The following EEF2K variants were observed in gnomAD, a reference collection of about 807,000 sequenced individuals.
EEF2K encodes the protein alternative protein EEF2K.
Under a neutral mutation model 93.8 loss-of-function variants are expected in EEF2K, and 70 were observed. That is an observed-to-expected ratio of 0.75 (90% CI 0.62 to 0.91). The LOEUF (loss-of-function observed/expected upper bound fraction) is 0.91. EEF2K is among the 40% of genes least tolerant of loss of function. The pLI is 0.00. For synonymous variants in EEF2K, 376 were observed against 380.8 expected (o/e 0.99, Z 0.15); for missense variants, 935 against 972.9 (o/e 0.96, Z 0.52).
chr16:22,213,491 C>T (rs578230932), intron 1 of EEF2K, among the ~76,000 whole-genome samples: 2 of 152,282 alleles, frequency 1.3e-5, no homozygotes, highest in East Asian at 3.9e-4. Context: ...GCCAAATGTC[C>T]CTTGAGGGAG....
At chr16:22,226,045 C>G in intron 2 of EEF2K, 70 bp downstream of exon 2, 1 of 1,577,484 alleles carries the variant, frequency 6.3e-7, no homozygotes, top group Non-Finnish European at 8.6e-7. Flanking sequence ...GTTGGAGTCG[C>G]TGGTTGGGGA....
At chr16:22,213,603 A>G (rs1049209656) in intron 1 of EEF2K, among the ~76,000 whole-genome samples, 4 of 152,186 alleles carry the variant, frequency 2.6e-5, no homozygotes, top group Non-Finnish European at 5.9e-5. Flanking sequence ...AAAACAACAC[A>G]TTTATTATCT....
chr16:22,244,857 T>A, intron 3 of EEF2K, 127 bp downstream of exon 3: 1 of 946,922 alleles, frequency 1.1e-6, no homozygotes, highest in Non-Finnish European at 1.6e-6. Context: ...CAGCTAATAT[T>A]GGCATGCTAA....
At position 22,284,808 on chromosome 16, in the gene EEF2K, GT is replaced by G. The variant is rs1442342373; in HGVS notation, c.*813del. On this transcript the variant is annotated 3_prime_UTR_variant, in exon 18 of 18. Transcript: ENST00000263026. ...ACGGGGCGTGTATTGCCGTGGCTTA[GT>G]GCAAAGCATTCTTTCTCAGAGCATT... 15 of 152,276 alleles carry G rather than the reference GT, an allele frequency of 9.9e-5. No homozygotes were observed. The highest frequency in any genetic ancestry group is 3.4e-3 in the Middle Eastern group (1 of 294). 9.4% of individuals were successfully genotyped at this position (152,276 alleles called of 1,614,324 possible).
chr16:22,236,684 C>T (rs569285666), intron 2 of EEF2K, among the ~76,000 whole-genome samples: 2 of 151,762 alleles, frequency 1.3e-5, no homozygotes, highest in Non-Finnish European at 2.9e-5. Flanking sequence ...GTGATAACAT[C>T]CCACGTGCCA....
At chr16:22,273,584 C>A in intron 15 of EEF2K, 42 bp from the exon 16 acceptor site, 1 of 1,609,052 alleles carries the variant, frequency 6.2e-7, no homozygotes, top group Non-Finnish European at 8.5e-7. Context: ...GAGTGTAAGC[C>A]TCATTCACTC....
In EEF2K at chr16:22,255,918, A is replaced by AT. The variant is rs1035703876; in HGVS notation, c.619-817dup. On this transcript the variant is annotated intron_variant, in intron 6 of 17. Transcript: ENST00000263026. ...GAGTGAGACCCTGTCTCTAAAATAAATTTTTTTTTTTTTAAGACGGAGTCT... is the reference window on the plus strand; with the variant it reads ...GAGTGAGACCCTGTCTCTAAAATAAATTTTTTTTTTTTTTAAGACGGAGTCT... Among the ~76,000 whole-genome samples the AT allele has an allele frequency of 2.5e-3, 368 of 144,968 alleles. 2 individuals carry two copies. Among genetic ancestry groups the AT allele is most frequent in the South Asian group, 9.3e-3 (42 of 4,518 alleles).
At position 22,261,954 on chromosome 16, in the gene EEF2K, G is replaced by A. The variant is rs2047468207; in HGVS notation, c.1300-1156G>A. Among the ~76,000 whole-genome samples, 3 of 151,262 alleles carry A rather than the reference G, an allele frequency of 2.0e-5. No homozygotes were observed. In the South Asian group the frequency reaches 6.3e-4, roughly 32 times the overall value. On this transcript the variant is annotated intron_variant, in intron 11 of 17. Transcript: ENST00000263026. ...TGGGAGGTGGAGGTTGCAGTGAGCT[G>A]AGATCACGCCACTGCACTACAGCCT...
At position 22,266,626 on chromosome 16, in the gene EEF2K, C is replaced by A; in HGVS notation, c.1576-62C>A. 1.9e-6 allele frequency: 3 copies of A among 1,585,736 alleles called. No homozygotes were observed. The Middle Eastern group carries it at 5.3e-4, about 278-fold the overall frequency. ...CACTTCCTCCCGCAGGCTGGCTGGG[C>A]GGTCTTGGGTGCGGCTTTGGCCCGC... On this transcript the variant is annotated intron_variant, in intron 14 of 17. Coordinates refer to ENST00000263026, the MANE Select transcript of EEF2K (RefSeq NM_013302.5).
chr16:22,247,961 G>A (rs188879347), intron 3 of EEF2K, among the ~76,000 whole-genome samples: 29 of 152,238 alleles, frequency 1.9e-4, no homozygotes, highest in African/African-American at 5.8e-4. Context: ...GGGCCATGCC[G>A]TTTGTTACGG....
chr16:22,206,523 C>T lies in EEF2K; in HGVS notation c.-233C>T, dbSNP rs2046863614. 6.6e-6 allele frequency: 1 copy of T among 152,294 alleles called. No individual in the cohort carries two copies. Among genetic ancestry groups the T allele is most frequent in the South Asian group, 2.1e-4 (1 of 4,820 alleles). The allele number at this position is 152,294 out of a possible 1,614,324, so 9.4% of individuals were successfully genotyped here. On this transcript the variant is annotated 5_prime_UTR_variant, in exon 1 of 18. Coordinates refer to ENST00000263026, the MANE Select transcript of EEF2K (RefSeq NM_013302.5). Reference sequence around the variant, plus strand: ...CCCCGCGTGGCCCCAGCTGCTTGCCCGGAGCGCCAGCTAGCGCTCCCCGCT... The same window carrying T: ...CCCCGCGTGGCCCCAGCTGCTTGCCTGGAGCGCCAGCTAGCGCTCCCCGCT...
chr16:22,216,801 G>A (rs1463463581), intron 1 of EEF2K, among the ~76,000 whole-genome samples: 1 of 152,054 alleles, frequency 6.6e-6, no homozygotes, highest in East Asian at 1.9e-4. Context: ...GTAGTAAGGG[G>A]AAGTAGAGCT....
At position 22,251,025 on chromosome 16, in the gene EEF2K, G is replaced by C. The variant is rs1424339544; in HGVS notation, c.447-126G>C. The C allele has an allele frequency of 2.5e-6, 3 of 1,178,142 alleles. No individual in the cohort carries two copies. In the Admixed American group the frequency reaches 6.6e-5, roughly 26 times the overall value. The allele number at this position is 1,178,142 out of a possible 1,614,324, so 73.0% of individuals were successfully genotyped here. A position where few individuals can be genotyped will look rare whatever the true frequency, so the allele number is the denominator to read the frequency against. ...GGTGGGGACGTCCTTCTTACCTCCT[G>C]CATTTTGTTCCTGCTGCCAGCCACC... On this transcript the variant is annotated intron_variant, in intron 5 of 17. Coordinates refer to ENST00000263026, the MANE Select transcript of EEF2K (RefSeq NM_013302.5).
intron 6 of EEF2K, among the ~76,000 whole-genome samples, chr16:22,255,378 T>C (rs1388428252): frequency 2.0e-5 from 3 of 152,192 alleles, no homozygotes; most frequent in African/African-American, 7.2e-5. Flanking sequence ...AGAGAACTCG[T>C]TCCTTTGGTC....
intron 17 of EEF2K, among the ~76,000 whole-genome samples, chr16:22,283,499 C>G (rs1000945745): frequency 1.3e-5 from 2 of 152,028 alleles, no homozygotes; most frequent in Non-Finnish European, 2.9e-5. Context: ...TTTGCACATC[C>G]CCACTTAGTT....
intron 17 of EEF2K, among the ~76,000 whole-genome samples, chr16:22,281,364 C>CA (rs2047691681): frequency 6.6e-6 from 1 of 151,686 alleles, no homozygotes; most frequent in African/African-American, 2.4e-5. Flanking sequence ...CTCAGCCTCC[C>CA]AAGCAGCTGG....
At chr16:22,248,901 C>T in intron 4 of EEF2K, 86 bp downstream of exon 4, 2 of 1,319,708 alleles carry the variant, frequency 1.5e-6, no homozygotes, top group South Asian at 2.6e-5. Context: ...TTCTCTCCCA[C>T]TCCCACTTTA....
intron 10 of EEF2K, chr16:22,258,970 G>A: frequency 2.8e-6 from 1 of 354,282 alleles, no homozygotes; most frequent in Non-Finnish European, 5.0e-6. Context: ...AACTAAAAAA[G>A]AAAATTATAT....
chr16:22,206,411 C>A lies in EEF2K; in HGVS notation c.-345C>A, dbSNP rs2142095453. 1 of 152,948 alleles carries A rather than the reference C, an allele frequency of 6.5e-6. No individual in the cohort carries two copies. Among genetic ancestry groups the A allele is most frequent in the African/African-American group, 2.4e-5 (1 of 41,578 alleles). 9.5% of individuals were successfully genotyped at this position (152,948 alleles called of 1,614,324 possible). A position where few individuals can be genotyped will look rare whatever the true frequency, so the allele number is the denominator to read the frequency against. On this transcript the variant is annotated 5_prime_UTR_variant, in exon 1 of 18. Coordinates refer to ENST00000263026, the MANE Select transcript of EEF2K (RefSeq NM_013302.5). ...ACGCGAGTCCCCCCTGGCACGCGCT[C>A]CCACATCCCGGGATCGTCCCAACGG...
Sources: gnomAD v4.1 joint callset for allele counts (sites outside exome capture counted in the v4.1 genomes callset) on GRCh38, gnomAD v4.1.1 for gene constraint, MANE v1.5 for transcripts, NCBI Gene and HGNC (gene_info 2026-07-23, HGNC 2026-07-21) for gene names.